The following MACROD2 variants were observed in gnomAD, a reference collection of about 807,000 sequenced individuals.
The protein encoded by MACROD2 is mono-ADP ribosylhydrolase 2.
A neutral mutation model predicts 70.4 loss-of-function variants in MACROD2; 36 were observed. The ratio of observed to expected loss-of-function variants is 0.51; its 90% confidence interval spans 0.39 to 0.68. MACROD2 has a LOEUF of 0.68. Among genes scored for constraint, MACROD2 ranks in the 30% least tolerant of loss-of-function variants. The probability of loss-of-function intolerance (pLI) is 0.00; values close to 1 mark genes in which losing one functional copy is unlikely to be tolerated. For synonymous variants in MACROD2, 172 were observed against 178.8 expected, an observed-to-expected ratio of 0.96 and a Z score of 0.30; for missense variants, 496 against 538.4, an observed-to-expected ratio of 0.92 and a Z score of 0.78.
intron 8 of MACROD2, among the ~76,000 whole-genome samples, chr20:15,697,812 C>T (rs188454057): frequency 1.5e-3 from 232 of 152,286 alleles, no homozygotes; most frequent in African/African-American, 5.3e-3. Flanking sequence ...TATAAAGTCC[C>T]TCTTTGTCTC....
At chr20:15,593,207 A>G (rs576307412) in intron 8 of MACROD2, among the ~76,000 whole-genome samples, 2 of 152,310 alleles carry the variant, frequency 1.3e-5, no homozygotes, top group Admixed American at 6.5e-5. Flanking sequence ...GTCTTTGCAC[A>G]TTATCCTCAT....
intron 13 of MACROD2, among the ~76,000 whole-genome samples, chr20:15,978,776 G>C (rs2066351486): frequency 6.6e-6 from 1 of 152,164 alleles, no homozygotes; most frequent in African/African-American, 2.4e-5. Flanking sequence ...GAAAATGAAA[G>C]ATCCAAGAGA....
intron 5 of MACROD2, among the ~76,000 whole-genome samples, chr20:15,066,182 A>G (rs1413548232): frequency 6.6e-6 from 1 of 151,084 alleles, no homozygotes; most frequent in Non-Finnish European, 1.5e-5. Context: ...CCCAGGCTGG[A>G]GTACAATGGT....
intron 6 of MACROD2, among the ~76,000 whole-genome samples, chr20:15,393,562 C>G (rs1186903206): frequency 6.6e-6 from 1 of 152,154 alleles, no homozygotes; most frequent in Non-Finnish European, 1.5e-5. Context: ...CCCACACCAA[C>G]TGTTGAGGCT....
At chr20:15,264,340 C>CAGTT (rs2077274103) in intron 6 of MACROD2, among the ~76,000 whole-genome samples, 1 of 152,086 alleles carries the variant, frequency 6.6e-6, no homozygotes, top group Non-Finnish European at 1.5e-5. Context: ...GGCTTCCTAC[C>CAGTT]AGTTATTGCT....
chr20:15,316,720 A>G (rs1568716831), intron 6 of MACROD2, among the ~76,000 whole-genome samples: 1 of 152,116 alleles, frequency 6.6e-6, no homozygotes, highest in Non-Finnish European at 1.5e-5. Context: ...TGAACACTCC[A>G]TTCCACAACA....
intron 6 of MACROD2, among the ~76,000 whole-genome samples, chr20:15,415,345 T>A (rs1358262940): frequency 6.6e-6 from 1 of 152,236 alleles, no homozygotes; most frequent in Non-Finnish European, 1.5e-5. Flanking sequence ...CATTGGCTTC[T>A]TACTTGTCCT....
intron 1 of MACROD2, among the ~76,000 whole-genome samples, chr20:13,999,120 C>G (rs1001537779): frequency 6.6e-6 from 1 of 152,088 alleles, no homozygotes; most frequent in Non-Finnish European, 1.5e-5. Flanking sequence ...ATGAATCTTT[C>G]TGCTGTGCTC....
At chr20:15,354,132 A>T (rs1203902143) in intron 6 of MACROD2, among the ~76,000 whole-genome samples, 2 of 151,810 alleles carry the variant, frequency 1.3e-5, no homozygotes, top group African/African-American at 4.8e-5. Context: ...TGGATTAAGA[A>T]AATGTGGCAC....
At chr20:14,047,987 A>G (rs1298139772) in intron 2 of MACROD2, among the ~76,000 whole-genome samples, 1 of 150,848 alleles carries the variant, frequency 6.6e-6, no homozygotes, top group Non-Finnish European at 1.5e-5. Context: ...CCTAACAAAG[A>G]ATCTGATTGG....
chr20:14,490,442 A>G (rs960965105), intron 3 of MACROD2, among the ~76,000 whole-genome samples: 1 of 152,182 alleles, frequency 6.6e-6, no homozygotes, highest in African/African-American at 2.4e-5. Flanking sequence ...TTATCTTGTA[A>G]TGACTCATTT....
intron 5 of MACROD2, among the ~76,000 whole-genome samples, chr20:15,174,957 C>T (rs2076449028): frequency 6.6e-6 from 1 of 151,776 alleles, no homozygotes; most frequent in Non-Finnish European, 1.5e-5. Context: ...TTGTAGGTTG[C>T]CTGTTTACTC....
At chr20:15,867,243 G>C (rs1012410357) in intron 9 of MACROD2, among the ~76,000 whole-genome samples, 1 of 152,164 alleles carries the variant, frequency 6.6e-6, no homozygotes, top group African/African-American at 2.4e-5. Context: ...TCCAAATACA[G>C]TCATATTCTA....
Position 14,857,945 on chromosome 20 carries a change from C to G in MACROD2, c.418+172986C>G, listed in dbSNP as rs1487400657. Among the ~76,000 whole-genome samples, 8 of 151,936 alleles carry G rather than the reference C, an allele frequency of 5.3e-5. No individual in the cohort carries two copies. The South Asian group carries it at 1.0e-3, about 20-fold the overall frequency. On this transcript the variant is annotated intron_variant, in intron 5 of 17. Coordinates refer to ENST00000684519, the MANE Select transcript of MACROD2 (RefSeq NM_001351661.2). The stretch of plus-strand genomic sequence containing the variant: ...AAGCGATTCTCCTGCCTCAGCCTCC[C>G]GAGTAGCTGGGATTACAGGCGCCTG...
chr20:14,686,452 G>A (rs1438204047), intron 5 of MACROD2, among the ~76,000 whole-genome samples: 1 of 152,122 alleles, frequency 6.6e-6, no homozygotes, highest in Admixed American at 6.5e-5. Flanking sequence ...TCCACTTGTG[G>A]CATCATGTTG....
intron 8 of MACROD2, among the ~76,000 whole-genome samples, chr20:15,796,697 A>G (rs191599030): frequency 3.0e-4 from 46 of 152,310 alleles, no homozygotes; most frequent in Non-Finnish European, 5.9e-4. Context: ...AATACTTAGA[A>G]TTATTATCTC....
chr20:15,914,331 C>T (rs2065280425), intron 10 of MACROD2, among the ~76,000 whole-genome samples: 2 of 152,224 alleles, frequency 1.3e-5, no homozygotes, highest in South Asian at 4.1e-4. Context: ...CAGTGCTGAA[C>T]AGCAATGAAT....
chr20:14,612,990 A>G (rs930011576), intron 4 of MACROD2, among the ~76,000 whole-genome samples: 3 of 152,096 alleles, frequency 2.0e-5, no homozygotes, highest in Admixed American at 6.6e-5. Flanking sequence ...GGCTCTGTGT[A>G]TAAAGGTTCT....
chr20:14,840,490 G>A (rs2073075825), intron 5 of MACROD2, among the ~76,000 whole-genome samples: 1 of 152,076 alleles, frequency 6.6e-6, no homozygotes, highest in Non-Finnish European at 1.5e-5. Flanking sequence ...TCCCACCTCA[G>A]CCTCTCAAAG....
Sources: gnomAD v4.1 joint callset for allele counts (sites outside exome capture counted in the v4.1 genomes callset) on GRCh38, gnomAD v4.1.1 for gene constraint, MANE v1.5 for transcripts, NCBI Gene and HGNC (gene_info 2026-07-23, HGNC 2026-07-21) for gene names.